CCSER1: variants seen among roughly 807,000 people sequenced by gnomAD.
CCSER1 encodes the protein serine-rich coiled-coil domain-containing protein 1.
Under a neutral mutation model 82.0 loss-of-function variants are expected in CCSER1, and 41 were observed. The ratio of observed to expected loss-of-function variants is 0.50; its 90% CI spans 0.39 to 0.65. The LOEUF (loss-of-function observed/expected upper bound fraction) is 0.65, where lower values mean the gene tolerates loss of function less well. CCSER1 is among the 30% of genes least tolerant of loss of function. The pLI is 0.00. For missense variants in CCSER1, 1,119 were observed against 1,064.2 expected (o/e 1.05, Z -0.72); for synonymous variants, 414 against 383.9 (o/e 1.08, Z -0.92).
chr4:90,610,963 C>T (rs1334810736), intron 5 of CCSER1, among the ~76,000 whole-genome samples: 1 of 152,000 alleles, frequency 6.6e-6, no homozygotes, highest in Non-Finnish European at 1.5e-5. Context: ...ACTGCAACCT[C>T]CCCTTCCAGG....
At chr4:91,347,553 G>A (rs1011552954) in intron 10 of CCSER1, among the ~76,000 whole-genome samples, 15 of 152,020 alleles carry the variant, frequency 9.9e-5, no homozygotes, top group African/African-American at 3.4e-4. Context: ...TATTGATCAA[G>A]TTGGGAAGAA....
chr4:90,350,622 C>T (rs1324616081), intron 3 of CCSER1, among the ~76,000 whole-genome samples: 1 of 151,952 alleles, frequency 6.6e-6, no homozygotes, highest in Admixed American at 6.6e-5. Flanking sequence ...AATTAATTGG[C>T]TTTTTATATT....
intron 7 of CCSER1, among the ~76,000 whole-genome samples, chr4:90,778,014 C>CA (rs569841608): frequency 0.017 from 2,535 of 147,530 alleles, 61 homozygotes; most frequent in African/African-American, 0.056. Flanking sequence ...TGTTCCTTTT[C>CA]AAAAAAAAAA....
intron 6 of CCSER1, among the ~76,000 whole-genome samples, chr4:90,711,987 C>CCCA (rs1281043887): frequency 6.6e-6 from 1 of 151,616 alleles, no homozygotes; most frequent in Non-Finnish European, 1.5e-5. Flanking sequence ...TCTGTTGGGT[C>CCCA]AGTGGTAATA....
At chr4:90,950,522 G>A (rs766293426) in intron 9 of CCSER1, among the ~76,000 whole-genome samples, 5 of 149,784 alleles carry the variant, frequency 3.3e-5, no homozygotes, top group Non-Finnish European at 7.5e-5. Context: ...ACACGTGCAC[G>A]CGTGCACACA....
chr4:90,312,684 TG>T (rs1359381239), intron 2 of CCSER1, among the ~76,000 whole-genome samples, 178 bp from the exon 3 acceptor site: 1 of 152,200 alleles, frequency 6.6e-6, no homozygotes, highest in African/African-American at 2.4e-5. Flanking sequence ...CCAAACGTTT[TG>T]GGCTTCAAAG....
chr4:90,358,893 G>A (rs2153516789), intron 3 of CCSER1, among the ~76,000 whole-genome samples: 1 of 152,276 alleles, frequency 6.6e-6, no homozygotes, highest in South Asian at 2.1e-4. Context: ...TTAAGTCATT[G>A]TAGAGCATGC....
intron 1 of CCSER1, among the ~76,000 whole-genome samples, chr4:90,273,635 A>C (rs1727006639): frequency 6.6e-6 from 1 of 152,188 alleles, no homozygotes; most frequent in African/African-American, 2.4e-5. Context: ...AAAATCACTT[A>C]CTGTATGGCA....
intron 3 of CCSER1, among the ~76,000 whole-genome samples, chr4:90,357,366 A>G (rs947506000): frequency 2.0e-5 from 3 of 151,812 alleles, no homozygotes; most frequent in Admixed American, 2.0e-4. Flanking sequence ...TGATTTTTTT[A>G]TACTTGATTT....
At chr4:90,317,247 A>T (rs547886462) in intron 3 of CCSER1, among the ~76,000 whole-genome samples, 1 of 152,276 alleles carries the variant, frequency 6.6e-6, no homozygotes, top group South Asian at 2.1e-4. Flanking sequence ...AATGAACAAT[A>T]CAGAAGACCT....
At chr4:90,446,283 G>A (rs12649004) in intron 4 of CCSER1, among the ~76,000 whole-genome samples, 17,785 of 152,024 alleles carry the variant, frequency 0.12, 1,487 homozygotes, top group East Asian at 0.37. Flanking sequence ...TGAGCTTTGG[G>A]GAGATAATTG....
chr4:90,713,050 A>T (rs1028913822), intron 6 of CCSER1, among the ~76,000 whole-genome samples: 14 of 151,524 alleles, frequency 9.2e-5, no homozygotes, highest in African/African-American at 3.1e-4. Flanking sequence ...TGCACATGAG[A>T]TGGATCTTTT....
At chr4:90,986,333 C>G (rs1187744899) in intron 9 of CCSER1, among the ~76,000 whole-genome samples, 1 of 151,714 alleles carries the variant, frequency 6.6e-6, no homozygotes, top group Non-Finnish European at 1.5e-5. Context: ...TTAATACACA[C>G]TAATATTCGT....
At position 90,838,786 on chromosome 4, in the gene CCSER1, A is replaced by G. The variant is rs372066114; in HGVS notation, c.2094+22941A>G. The G allele has an allele frequency of 7.6e-6, 10 of 1,309,820 alleles. No individual in the cohort carries two copies. In the East Asian group the frequency reaches 1.8e-4, roughly 24 times the overall value. The allele number at this position is 1,309,820 out of a possible 1,614,324, so 81.1% of individuals were successfully genotyped here. On this transcript the variant is annotated intron_variant, in intron 8 of 10. Transcript: ENST00000509176. ...TTCTTTGATGTGAAAGGGGCAGCAC[A>G]GTCATTTAAACTTGATCCAACCTCT... is the stretch of plus-strand genomic sequence containing the variant.
intron 10 of CCSER1, among the ~76,000 whole-genome samples, chr4:91,539,699 G>T (rs766447346): frequency 3.9e-5 from 6 of 152,022 alleles, no homozygotes; most frequent in Non-Finnish European, 8.8e-5. Flanking sequence ...AAAGATGTTT[G>T]CTGAATTATA....
At chr4:90,300,996 A>AT (rs1039248560) in intron 1 of CCSER1, among the ~76,000 whole-genome samples, 17 of 150,542 alleles carry the variant, frequency 1.1e-4, no homozygotes, top group African/African-American at 3.4e-4. Context: ...TAGTTAATTA[A>AT]TTTTTTTTTC....
At chr4:90,148,516 T>C (rs74738940) in intron 1 of CCSER1, among the ~76,000 whole-genome samples, 3,563 of 152,226 alleles carry the variant, frequency 0.023, 133 homozygotes, top group African/African-American at 0.08. Context: ...GATATAGATG[T>C]GATCCTGGTC....
chr4:90,904,078 T>C (rs1725078922), intron 8 of CCSER1, among the ~76,000 whole-genome samples: 1 of 152,104 alleles, frequency 6.6e-6, no homozygotes, highest in Non-Finnish European at 1.5e-5. Context: ...GTTTATTTCT[T>C]TTGAATTGGT....
chr4:90,884,180 T>C (rs1376837925), intron 8 of CCSER1, among the ~76,000 whole-genome samples: 1 of 152,162 alleles, frequency 6.6e-6, no homozygotes, highest in East Asian at 1.9e-4. Flanking sequence ...TTGGGACTTG[T>C]AGACCCACAA....
Sources: gnomAD v4.1 joint callset for allele counts (sites outside exome capture counted in the v4.1 genomes callset) on GRCh38, gnomAD v4.1.1 for gene constraint, MANE v1.5 for transcripts, NCBI Gene and HGNC (gene_info 2026-07-23, HGNC 2026-07-21) for gene names.